The following ENPP5 variants were observed in gnomAD, a reference collection of about 807,000 sequenced individuals.
ENPP5 encodes the protein ectonucleotide pyrophosphatase/phosphodiesterase family member 5.
A neutral mutation model predicts 33.7 loss-of-function variants in ENPP5; 27 were observed. The ratio of observed to expected loss-of-function variants is 0.80; its 90% confidence interval spans 0.59 to 1.11. The LOEUF (loss-of-function observed/expected upper bound fraction) is 1.11. ENPP5 is among the 50% of genes least tolerant of loss of function. The probability of loss-of-function intolerance (pLI) is 0.00; values close to 1 mark genes in which losing one functional copy is unlikely to be tolerated. For missense variants in ENPP5, 552 were observed against 579.2 expected (o/e 0.95, Z 0.48); for synonymous variants, 199 against 200.5 (o/e 0.99, Z 0.06).
rs1349881248 is a variant in ENPP5 at position 46,170,869 on chromosome 6, G to A, written c.-159C>T. 1 of 152,362 alleles carries A rather than the reference G, an allele frequency of 6.6e-6. No homozygotes were observed. The highest frequency in any genetic ancestry group is 2.4e-5 in the African/African-American group (1 of 41,438). The allele number at this position is 152,362 out of a possible 1,614,324, so 9.4% of individuals were successfully genotyped here. On this transcript the variant is annotated 5_prime_UTR_variant, in exon 1 of 5. Coordinates refer to ENST00000371383, the MANE Select transcript of ENPP5 (RefSeq NM_001290072.2). Reference sequence around the variant, plus strand: ...GCAACGGGAGGGAGGGTCTGGAGGAGACTCCCTCGGGCGCGCCGCGGGTAA... The same window carrying A: ...GCAACGGGAGGGAGGGTCTGGAGGAAACTCCCTCGGGCGCGCCGCGGGTAA...
At chr6:46,165,221 T>C in intron 4 of ENPP5, 166 bp downstream of exon 4, 1 of 522,284 alleles carries the variant, frequency 1.9e-6, no homozygotes, top group Non-Finnish European at 3.2e-6. Context: ...AGGACCAATA[T>C]CTAAAAAAAG....
chr6:46,164,817 C>A (rs1388272335), intron 4 of ENPP5: 5 of 150,976 alleles, frequency 3.3e-5, no homozygotes, highest in African/African-American at 1.2e-4. Context: ...CGGCTCACTG[C>A]AAGCTCCGCC....
Position 46,159,602 on chromosome 6 carries a change from G to A in ENPP5, c.*1724C>T, listed in dbSNP as rs1046636465. ...CAATTATTTGATTCTATTCTATTAA[G>A]AGGTTTTATAATGAAATGGGAATTA... On this transcript the variant is annotated 3_prime_UTR_variant, in exon 5 of 5. Transcript: ENST00000371383. 1.3e-5 allele frequency: 2 copies of A among 148,654 alleles called. No individual in the cohort carries two copies. Among genetic ancestry groups the A allele is most frequent in the African/African-American group, 4.9e-5 (2 of 40,908 alleles). 9.2% of individuals were successfully genotyped at this position (148,654 alleles called of 1,614,324 possible).
intron 4 of ENPP5, chr6:46,165,111 A>C (rs951020669): frequency 4.4e-5 from 12 of 275,086 alleles, no homozygotes; most frequent in African/African-American, 2.7e-4. Context: ...GCACACTACA[A>C]ATGCCATTGT....
chr6:46,169,496 A>G (rs1764672233), intron 2 of ENPP5, among the ~76,000 whole-genome samples: 1 of 151,690 alleles, frequency 6.6e-6, no homozygotes, highest in Non-Finnish European at 1.5e-5. Context: ...GTGTTCAAGC[A>G]ATTCTCCTGC....
At position 46,167,738 on chromosome 6, in the gene ENPP5, C is replaced by T. The variant is rs747552130; in HGVS notation, c.525G>A (p.Thr175=). The change falls in exon 3 of 5, where the codon ACG becomes ACA. Residue 175 remains threonine (T), a synonymous_variant. Coordinates refer to ENST00000371383, the MANE Select transcript of ENPP5 (RefSeq NM_001290072.2). The part of the protein sequence containing the change: ...DRVAKIIEWF[T]SKEPINLGLL... Reference sequence around the variant, plus strand: ...GACCAAGATTTATGGGCTCTTTTGACGTAAACCATTCAATAATTTTGGCAA... The same window carrying T: ...GACCAAGATTTATGGGCTCTTTTGATGTAAACCATTCAATAATTTTGGCAA... 37 of 1,614,050 alleles carry T rather than the reference C, an allele frequency of 2.3e-5. No homozygotes were observed. Among genetic ancestry groups the T allele is most frequent in the Middle Eastern group, 1.6e-4 (1 of 6,062 alleles).
rs1206433953 is a variant in ENPP5, at chr6:46,161,378, G to T, written c.1382C>A (p.Pro461His). The change falls in exon 5 of 5, where the codon CCT (proline) becomes CAT (histidine). Residue 461 changes from proline to histidine, a missense_variant. Coordinates refer to ENST00000371383, the MANE Select transcript of ENPP5 (RefSeq NM_001290072.2). ...FIKHLIHSQIPALQDMHAEIA... is the reference protein window; with the variant it reads ...FIKHLIHSQIHALQDMHAEIA... ...TTCAGCATGCATATCTTGTAAGGCA[G>T]GTATTTGACTGTGAATTAAATGCTT... is the stretch of plus-strand genomic sequence containing the variant. The T allele has an allele frequency of 6.2e-7, 1 of 1,613,616 alleles. No homozygotes were observed. Among genetic ancestry groups the T allele is most frequent in the Non-Finnish European group, 8.5e-7 (1 of 1,179,722 alleles).
At chr6:46,162,648 A>G (rs9472709) in intron 4 of ENPP5, among the ~76,000 whole-genome samples, 66,783 of 151,926 alleles carry the variant, frequency 0.44, 16,102 homozygotes, top group South Asian at 0.68. Flanking sequence ...TGCCCCATCC[A>G]CCTCGAAAAA....
chr6:46,161,595 T>G lies in ENPP5; in HGVS notation c.1165A>C (p.Asn389His), dbSNP rs376086523. 1 of 1,614,080 alleles carries G rather than the reference T, an allele frequency of 6.2e-7. No homozygotes were observed. Among genetic ancestry groups the G allele is most frequent in the Non-Finnish European group, 8.5e-7 (1 of 1,179,964 alleles). ...TCCTGGACATTCCAGAATGATCCAT[T>G]GTGTGGCATGGCGGTGATATTGAGG... ...HLLNITAMPHNGSFWNVQDLL... is the reference protein window; with the variant it reads ...HLLNITAMPHHGSFWNVQDLL... The change falls in exon 5 of 5, where the codon AAT (asparagine) becomes CAT (histidine). Residue 389 changes from asparagine to histidine, a missense_variant. Asn to His is a moderately conservative substitution (Grantham distance 68). Coordinates refer to ENST00000371383, the MANE Select transcript of ENPP5 (RefSeq NM_001290072.2).
intron 3 of ENPP5, 99 bp from the exon 4 acceptor site, chr6:46,165,662 G>A (rs1764524044): frequency 1.1e-6 from 1 of 935,122 alleles, no homozygotes; most frequent in Non-Finnish European, 1.5e-6. Context: ...CCAGAGAGCT[G>A]AACATAAGAA....
intron 1 of ENPP5, among the ~76,000 whole-genome samples, chr6:46,170,344 CAG>C (rs1764698157): frequency 6.6e-6 from 1 of 150,776 alleles, no homozygotes; most frequent in Non-Finnish European, 1.5e-5. Flanking sequence ...ATCCATGACA[CAG>C]AGCAATAAAC....
intron 3 of ENPP5, among the ~76,000 whole-genome samples, chr6:46,166,092 A>T (rs1764535548): frequency 6.6e-6 from 1 of 152,142 alleles, no homozygotes; most frequent in South Asian, 2.1e-4. Flanking sequence ...TCCATTGCTG[A>T]GGTTGCATCC....
At chr6:46,162,303 GGA>G (rs1764416846) in intron 4 of ENPP5, among the ~76,000 whole-genome samples, 1 of 152,190 alleles carries the variant, frequency 6.6e-6, no homozygotes, top group Non-Finnish European at 1.5e-5. Flanking sequence ...TCAGAGTGGA[GGA>G]GAGTAGGAAA....
chr6:46,169,645 C>T (rs1764677224), intron 2 of ENPP5, among the ~76,000 whole-genome samples: 1 of 152,150 alleles, frequency 6.6e-6, no homozygotes, highest in South Asian at 2.1e-4. Flanking sequence ...TCACCCTTCT[C>T]GGCTCCCCAA....
chr6:46,168,101 A>C lies in ENPP5; in HGVS notation c.162T>G (p.Ile54Met), dbSNP rs1764611808. 4.3e-6 allele frequency: 7 copies of C among 1,613,686 alleles called. No homozygotes were observed. The African/African-American group carries it at 9.3e-5, about 22-fold the overall frequency. Reference sequence around the variant, plus strand: ...GCTTCACGTGAACACCATATTTCATAATATAATGAAAATGGGGCGTTGGAA... The same window carrying C: ...GCTTCACGTGAACACCATATTTCATCATATAATGAAAATGGGGCGTTGGAA... ...YKVPTPHFHY[I>M]MKYGVHVKQV... Residue 54 changes from isoleucine (I) to methionine (M), a missense_variant, in exon 3 of 5, where the codon ATT becomes ATG. By Grantham distance (10) the Ile-to-Met change is conservative (BLOSUM62 1). Coordinates refer to ENST00000371383, the MANE Select transcript of ENPP5 (RefSeq NM_001290072.2).
At chr6:46,164,318 T>A (rs1764473314) in intron 4 of ENPP5, among the ~76,000 whole-genome samples, 1 of 152,154 alleles carries the variant, frequency 6.6e-6, no homozygotes, top group South Asian at 2.1e-4. Flanking sequence ...AAAGAAGACA[T>A]TTATGCAGCC....
rs1489395712 is a variant in ENPP5 at position 46,168,076 on chromosome 6, G to C, written c.187C>G (p.Gln63Glu). ...TTTGTAATAAAAACATTAGTAACTT[G>C]CTTCACGTGAACACCATATTTCATA... is the stretch of plus-strand genomic sequence containing the variant. ...YIMKYGVHVK[Q>E]VTNVFITKTY... Residue 63 changes from glutamine to glutamate, a missense_variant, in exon 3 of 5, where the codon CAA (glutamine) becomes GAA (glutamate). Gln to Glu is a conservative substitution (Grantham distance 29, BLOSUM62 2). Coordinates refer to ENST00000371383, the MANE Select transcript of ENPP5 (RefSeq NM_001290072.2). 1 of 1,613,946 alleles carries C rather than the reference G, an allele frequency of 6.2e-7. No individual in the cohort carries two copies. Among genetic ancestry groups the C allele is most frequent in the Non-Finnish European group, 8.5e-7 (1 of 1,179,898 alleles).
Position 46,161,414 on chromosome 6 carries a change from ACAAAAAAT to A in ENPP5, c.1338_1345del (p.Phe447AsnfsTer4), listed in dbSNP as rs1166901321. ...GTGAATTAAATGCTTAATGAAAATT[ACAAAAAAT>A]ACAATCACTATAATGCTGCCAAGAG... is the stretch of plus-strand genomic sequence containing the variant. On this transcript the variant is annotated frameshift_variant, in exon 5 of 5. Coordinates refer to ENST00000371383, the MANE Select transcript of ENPP5 (RefSeq NM_001290072.2). LOFTEE classifies it high-confidence loss of function. 1 of 1,613,706 alleles carries A rather than the reference ACAAAAAAT, an allele frequency of 6.2e-7. No individual in the cohort carries two copies. Among genetic ancestry groups the A allele is most frequent in the South Asian group, 1.1e-5 (1 of 91,074 alleles).
In ENPP5 at chr6:46,160,722, T is replaced by G. The variant is rs1764362542; in HGVS notation, c.*604A>C. ...AAATAAGACAAGAAATGCCCACAGT[T>G]GCATTCTGCTGTTGGGAATACATCT... On this transcript the variant is annotated 3_prime_UTR_variant, in exon 5 of 5. Transcript: ENST00000371383. The G allele has an allele frequency of 6.6e-6, 1 of 152,306 alleles. No individual in the cohort carries two copies. Among genetic ancestry groups the G allele is most frequent in the Non-Finnish European group, 1.5e-5 (1 of 68,114 alleles). 9.4% of individuals were successfully genotyped at this position (152,306 alleles called of 1,614,324 possible).
Sources: gnomAD v4.1 joint callset for allele counts (sites outside exome capture counted in the v4.1 genomes callset) on GRCh38, gnomAD v4.1.1 for gene constraint, MANE v1.5 for transcripts, NCBI Gene and HGNC (gene_info 2026-07-23, HGNC 2026-07-21) for gene names.